Variants in RASGEF1C observed in about 807,000 individuals in gnomAD.
RASGEF1C encodes RasGEF domain family member 1C, also known as ras-GEF domain-containing family member 1C.
Under a neutral mutation model 58.1 loss-of-function variants are expected in RASGEF1C, and 27 were observed. The ratio of observed to expected loss-of-function variants is 0.46; its 90% CI spans 0.34 to 0.64. RASGEF1C has a LOEUF of 0.64. Among genes scored for constraint, RASGEF1C ranks in the 30% least tolerant of loss-of-function variants. The pLI is 0.01. For missense variants in RASGEF1C, 502 were observed against 605.1 expected, an observed-to-expected ratio of 0.83 and a Z score of 1.79; for synonymous variants, 243 against 246.3, an observed-to-expected ratio of 0.99 and a Z score of 0.13.
chr5:180,181,340 A>G (rs1002888741), intron 1 of RASGEF1C, among the ~76,000 whole-genome samples: 8 of 152,260 alleles, frequency 5.3e-5, no homozygotes, highest in African/African-American at 1.9e-4. Flanking sequence ...TGACAACACT[A>G]GCATTGTCGT....
chr5:180,204,616 CTCTA>C (rs56101660), intron 1 of RASGEF1C, among the ~76,000 whole-genome samples: 57,137 of 149,012 alleles, frequency 0.38, 11,676 homozygotes, highest in Non-Finnish European at 0.45. Context: ...ATGGATATTC[CTCTA>C]TCTATCTATC....
chr5:180,120,416 C>T (rs1766147784), intron 7 of RASGEF1C, among the ~76,000 whole-genome samples: 1 of 152,230 alleles, frequency 6.6e-6, no homozygotes, highest in Admixed American at 6.5e-5. Flanking sequence ...CATACTCAGT[C>T]TCAGCACCTG....
At chr5:180,178,855 G>A (rs1017596169) in intron 1 of RASGEF1C, among the ~76,000 whole-genome samples, 7 of 152,098 alleles carry the variant, frequency 4.6e-5, no homozygotes, top group Non-Finnish European at 1.5e-5. Flanking sequence ...ATATGTGGAG[G>A]GGACAGCTGG....
intron 1 of RASGEF1C, among the ~76,000 whole-genome samples, chr5:180,200,629 A>C (rs953673634): frequency 1.3e-5 from 2 of 152,140 alleles, no homozygotes; most frequent in East Asian, 3.9e-4. Context: ...ACCATTCTTT[A>C]TGGAGCTTTT....
chr5:180,201,855 C>T (rs1321867314), intron 1 of RASGEF1C, among the ~76,000 whole-genome samples: 4 of 152,202 alleles, frequency 2.6e-5, no homozygotes, highest in Non-Finnish European at 4.4e-5. Context: ...AGGAGAGGAG[C>T]CATCTGCGAA....
intron 10 of RASGEF1C, among the ~76,000 whole-genome samples, chr5:180,117,321 G>A (rs758620197): frequency 1.3e-5 from 2 of 152,218 alleles, no homozygotes; most frequent in Admixed American, 6.5e-5. Context: ...TGGCACAAGC[G>A]TGCACACCTC....
chr5:180,148,823 G>A (rs1231922277), intron 1 of RASGEF1C, among the ~76,000 whole-genome samples: 1 of 152,118 alleles, frequency 6.6e-6, no homozygotes, highest in African/African-American at 2.4e-5. Flanking sequence ...TGTTAACACA[G>A]CTTTGAATTA....
chr5:180,117,994 CAAAA>C (rs3078957), intron 10 of RASGEF1C, among the ~76,000 whole-genome samples: 172 of 108,626 alleles, frequency 1.6e-3, no homozygotes, highest in Admixed American at 2.4e-3. Context: ...ACTCCATCTC[CAAAA>C]AAAAAAAAAA....
In RASGEF1C at chr5:180,128,607, A is replaced by G. The variant is rs1202813216; in HGVS notation, c.442T>C (p.Tyr148His). The change falls in exon 5 of 14, where the codon TAC (tyrosine) becomes CAC (histidine). Residue 148 changes from tyrosine (Y) to histidine (H), a missense_variant. Transcript: ENST00000361132. ...AGGAGCTGATGCATCCTCTTCCGGT[A>G]TGCCTGGTGGGTGGAAAGAAGGGCG... The part of the protein sequence containing the change: ...VGRIAPCDEA[Y>H]RKRMHQLLQA... The G allele has an allele frequency of 1.9e-6, 3 of 1,613,418 alleles. No homozygotes were observed. The highest frequency in any genetic ancestry group is 2.2e-5 in the South Asian group (2 of 91,054).
At chr5:180,117,994 CAAA>C (rs3078957) in intron 10 of RASGEF1C, among the ~76,000 whole-genome samples, 71,864 of 107,922 alleles carry the variant, frequency 0.67, 22,761 homozygotes, top group South Asian at 0.88. Flanking sequence ...ACTCCATCTC[CAAA>C]AAAAAAAAAA....
At chr5:180,175,529 T>C (rs1299096497) in intron 1 of RASGEF1C, among the ~76,000 whole-genome samples, 1 of 152,178 alleles carries the variant, frequency 6.6e-6, no homozygotes, top group African/African-American at 2.4e-5. Flanking sequence ...AACCTGCATT[T>C]CGGTGCTTGT....
At chr5:180,133,838 C>T (rs1464502794) in intron 4 of RASGEF1C, among the ~76,000 whole-genome samples, 1 of 152,138 alleles carries the variant, frequency 6.6e-6, no homozygotes, top group Non-Finnish European at 1.5e-5. Context: ...AAACAGCGCT[C>T]CTATGCCTGA....
intron 12 of RASGEF1C, among the ~76,000 whole-genome samples, chr5:180,104,400 G>A (rs750895997): frequency 3.4e-4 from 52 of 152,176 alleles, no homozygotes; most frequent in Admixed American, 3.0e-3. Context: ...TCTGCCATGC[G>A]AGGACACAGC....
At chr5:180,126,719 G>T (rs1035974223) in intron 6 of RASGEF1C, among the ~76,000 whole-genome samples, 2 of 152,164 alleles carry the variant, frequency 1.3e-5, no homozygotes, top group Non-Finnish European at 2.9e-5. Context: ...GGGTGACAAG[G>T]CAATCTGCCC....
chr5:180,186,871 C>T (rs1198381209), intron 1 of RASGEF1C, among the ~76,000 whole-genome samples: 1 of 152,108 alleles, frequency 6.6e-6, no homozygotes, highest in African/African-American at 2.4e-5. Context: ...GAGGCTGAGG[C>T]AGAAGGTGGA....
At chr5:180,124,027 A>G (rs563335264) in intron 6 of RASGEF1C, among the ~76,000 whole-genome samples, 5 of 152,272 alleles carry the variant, frequency 3.3e-5, no homozygotes, top group African/African-American at 1.2e-4. Flanking sequence ...TAGTCCTAAA[A>G]CCATTAAATT....
rs1353246736 is a variant in RASGEF1C at position 180,141,717 on chromosome 5, C to CA, written c.-6-3660dup. Among the ~76,000 whole-genome samples the CA allele has an allele frequency of 6.9e-5, 6 of 87,588 alleles. No individual in the cohort carries two copies. The Admixed American group carries it at 7.0e-4, about 10-fold the overall frequency. The allele number at this position is 87,588 out of a possible 152,430, so 57.5% of individuals were successfully genotyped here. A position where few individuals can be genotyped will look rare whatever the true frequency, so the allele number is the denominator to read the frequency against. On this transcript the variant is annotated intron_variant, in intron 1 of 13. Coordinates refer to ENST00000361132, the MANE Select transcript of RASGEF1C (RefSeq NM_175062.4). ...ATTTTATGTTATGTGTATTTTATCACACTTTTTTTTTTTTTTTTTTAAACA... is the reference window on the plus strand; with the variant it reads ...ATTTTATGTTATGTGTATTTTATCACAACTTTTTTTTTTTTTTTTTTAAACA...
intron 6 of RASGEF1C, among the ~76,000 whole-genome samples, chr5:180,122,886 CAG>C (rs1222852018): frequency 1.3e-5 from 2 of 151,418 alleles, no homozygotes; most frequent in Non-Finnish European, 2.9e-5. Context: ...GAAAAAGAAA[CAG>C]ATAAGGAAGA....
At chr5:180,154,681 C>T (rs987891385) in intron 1 of RASGEF1C, among the ~76,000 whole-genome samples, 12 of 151,870 alleles carry the variant, frequency 7.9e-5, no homozygotes, top group African/African-American at 1.5e-4. Context: ...CCCAGGTTCA[C>T]GCCATTCTCC....
Sources: gnomAD v4.1 joint callset for allele counts (sites outside exome capture counted in the v4.1 genomes callset) on GRCh38, gnomAD v4.1.1 for gene constraint, MANE v1.5 for transcripts, NCBI Gene and HGNC (gene_info 2026-07-23, HGNC 2026-07-21) for gene names.